COX10: variants seen among roughly 807,000 people sequenced by gnomAD.
COX10 encodes the protein cytochrome c oxidase assembly factor heme A:farnesyltransferase COX10.
Under a neutral mutation model 37.3 loss-of-function variants are expected in COX10, and 27 were observed. That is an observed-to-expected ratio of 0.72 (90% confidence interval 0.53 to 1.00). COX10 has a LOEUF of 1.00. COX10 is among the 50% of genes least tolerant of loss of function. COX10 has a pLI of 0.00. For missense variants in COX10, 475 were observed against 563.2 expected (o/e 0.84, Z 1.59); for synonymous variants, 222 against 229.1 (o/e 0.97, Z 0.28).
intron 3 of COX10, among the ~76,000 whole-genome samples, chr17:14,100,558 G>C (rs1915754029): frequency 6.6e-6 from 1 of 152,132 alleles, no homozygotes; most frequent in Non-Finnish European, 1.5e-5. Flanking sequence ...AGAGGCAAAT[G>C]AAACAAAAGT....
intron 3 of COX10, among the ~76,000 whole-genome samples, chr17:14,099,203 G>T (rs925412141): frequency 1.3e-5 from 2 of 152,050 alleles, no homozygotes; most frequent in African/African-American, 4.8e-5. Context: ...AGATTCAGAT[G>T]CACACCATAT....
At chr17:14,127,449 A>G (rs968387911) in intron 4 of COX10, among the ~76,000 whole-genome samples, 1 of 152,158 alleles carries the variant, frequency 6.6e-6, no homozygotes, top group Non-Finnish European at 1.5e-5. Context: ...GAGATAAAGT[A>G]TATTCTGATG....
At chr17:14,199,699 A>G (rs567354802) in intron 6 of COX10, among the ~76,000 whole-genome samples, 2 of 152,244 alleles carry the variant, frequency 1.3e-5, no homozygotes, top group South Asian at 4.2e-4. Context: ...GGGACTTTTA[A>G]TCTTCCCTTT....
intron 6 of COX10, among the ~76,000 whole-genome samples, chr17:14,199,595 T>TC (rs1382986288): frequency 5.3e-5 from 8 of 152,176 alleles, no homozygotes; most frequent in African/African-American, 1.7e-4. Context: ...TCCAGCTCCC[T>TC]CCCGCCCACT....
intron 4 of COX10, among the ~76,000 whole-genome samples, chr17:14,151,925 A>G (rs186618357): frequency 3.3e-5 from 5 of 152,314 alleles, no homozygotes; most frequent in East Asian, 3.9e-4. Context: ...TTTATTTGCA[A>G]TGATGGTTTA....
Position 14,102,254 on chromosome 17 carries a change from A to C in COX10, c.624+12A>C. 1.5e-5 allele frequency: 25 copies of C among 1,613,040 alleles called. No homozygotes were observed. Among genetic ancestry groups the C allele is most frequent in the Non-Finnish European group, 2.0e-5 (24 of 1,179,302 alleles). ...ACTCCATCAATCAGGTCAGTTTCTC[A>C]CTTTCATCTAAATTATGTTATTGTC... On this transcript the variant is annotated intron_variant, in intron 4 of 6. Transcript: ENST00000261643.
intron 4 of COX10, among the ~76,000 whole-genome samples, chr17:14,133,456 A>G (rs1445185635): frequency 6.6e-6 from 1 of 151,642 alleles, no homozygotes; most frequent in Non-Finnish European, 1.5e-5. Context: ...GTTAAAAGTA[A>G]TCTGAGTTGT....
At chr17:14,167,293 T>C (rs62055988) in intron 5 of COX10, among the ~76,000 whole-genome samples, 19,996 of 152,214 alleles carry the variant, frequency 0.13, 1,664 homozygotes, top group Non-Finnish European at 0.19. Context: ...AGAAAGTGGT[T>C]TCTTGAGACC....
intron 4 of COX10, among the ~76,000 whole-genome samples, chr17:14,132,560 A>G (rs1179707875): frequency 6.6e-6 from 1 of 151,660 alleles, no homozygotes; most frequent in Non-Finnish European, 1.5e-5. Context: ...ATATTTTCCT[A>G]ATCTTAAAAA....
intron 5 of COX10, chr17:14,177,187 C>T (rs1011957547): frequency 4.7e-5 from 33 of 698,756 alleles, no homozygotes; most frequent in Non-Finnish European, 8.1e-5. Flanking sequence ...TCGTCTTCTT[C>T]ATCTGGTTGC....
intron 5 of COX10, among the ~76,000 whole-genome samples, chr17:14,185,716 A>G (rs906383640): frequency 6.2e-5 from 9 of 144,844 alleles, no homozygotes; most frequent in African/African-American, 2.0e-4. Context: ...CTCATTGTAT[A>G]CAAATATTCT....
In COX10 at chr17:14,163,085, T is replaced by TC. The variant is rs1567605226; in HGVS notation, c.695+3139dup. On this transcript the variant is annotated intron_variant, in intron 5 of 6. Coordinates refer to ENST00000261643, the MANE Select transcript of COX10 (RefSeq NM_001303.4). ...AAGTTACTGACTGGTTTGAAAATAA[T>TC]CATGTGCGTGTTAGGATAAGATGAC... Among the ~76,000 whole-genome samples the TC allele has an allele frequency of 5.3e-5, 8 of 152,274 alleles. No individual in the cohort carries two copies. The South Asian group carries it at 1.5e-3, about 28-fold the overall frequency.
Position 14,069,577 on chromosome 17 carries a change from C to A in COX10, c.-29C>A, listed in dbSNP as rs373184679. The stretch of plus-strand genomic sequence containing the variant: ...CCGTGAGGAGAGAGGACACAGGGAT[C>A]CCGGGGAGCGGCCCCAGACTCGTAA... On this transcript the variant is annotated 5_prime_UTR_variant, in exon 1 of 7. Transcript: ENST00000261643. 5.1e-5 allele frequency: 82 copies of A among 1,613,626 alleles called. 1 individual carries two copies. The African/African-American group carries it at 9.6e-4, about 19-fold the overall frequency.
rs1364466211 is a variant in COX10 at position 14,207,198 on chromosome 17, G to A, written c.1317G>A (p.Gly439=). The A allele has an allele frequency of 6.3e-7, 1 of 1,596,340 alleles. No individual in the cohort carries two copies. Among genetic ancestry groups the A allele is most frequent in the Admixed American group, 1.7e-5 (1 of 59,634 alleles). Residue 439 remains glycine, a synonymous_variant, in exon 7 of 7, where the codon GGG becomes GGA. Transcript: ENST00000261643. The part of the protein sequence containing the change: ...CKRPSGGGDA[G]PPPS Reference sequence around the variant, plus strand: ...GGCCGAGCGGAGGCGGGGACGCAGGGCCCCCTCCCAGCTGAGAGCACTGGG... The same window carrying A: ...GGCCGAGCGGAGGCGGGGACGCAGGACCCCCTCCCAGCTGAGAGCACTGGG...
chr17:14,157,837 G>A (rs1905074203), intron 4 of COX10, among the ~76,000 whole-genome samples: 1 of 152,226 alleles, frequency 6.6e-6, no homozygotes, highest in Admixed American at 6.5e-5. Context: ...CTTTTGCAAT[G>A]CATGTAAAAT....
At chr17:14,148,061 C>T (rs934053847) in intron 4 of COX10, among the ~76,000 whole-genome samples, 5 of 151,178 alleles carry the variant, frequency 3.3e-5, no homozygotes, top group African/African-American at 4.9e-5. Context: ...TGGTACTTTG[C>T]CTCTGATAAG....
intron 6 of COX10, among the ~76,000 whole-genome samples, chr17:14,203,509 A>T (rs137917868): frequency 2.6e-5 from 4 of 152,268 alleles, no homozygotes; most frequent in Non-Finnish European, 5.9e-5. Flanking sequence ...CTCAGAAATG[A>T]TTAAGTTTCT....
chr17:14,155,566 T>C (rs1211640279), intron 4 of COX10, among the ~76,000 whole-genome samples: 1 of 151,724 alleles, frequency 6.6e-6, no homozygotes, highest in Non-Finnish European at 1.5e-5. Flanking sequence ...ATACAAAAAA[T>C]TAGCCGAGTG....
Position 14,192,030 on chromosome 17 carries a change from C to T in COX10, c.737C>T (p.Pro246Leu), listed in dbSNP as rs369322304. 1.9e-5 allele frequency: 30 copies of T among 1,614,016 alleles called. No homozygotes were observed. The highest frequency in any genetic ancestry group is 1.6e-4 in the Middle Eastern group (1 of 6,084). ...AVSFATCCAVPGVAILTLGVN... is the reference protein window; with the variant it reads ...AVSFATCCAVLGVAILTLGVN... ...TCCTTTGCCACTTGTTGTGCTGTTC[C>T]GGGAGTTGCCATTCTGACCTTGGGG... The change falls in exon 6 of 7, where the codon CCG (proline) becomes CTG (leucine). Residue 246 changes from proline to leucine, a missense_variant. Transcript: ENST00000261643.
Sources: gnomAD v4.1 joint callset for allele counts (sites outside exome capture counted in the v4.1 genomes callset) on GRCh38, gnomAD v4.1.1 for gene constraint, MANE v1.5 for transcripts, NCBI Gene and HGNC (gene_info 2026-07-23, HGNC 2026-07-21) for gene names.